SGCG: variants seen among roughly 807,000 people sequenced by gnomAD.
The protein encoded by SGCG is gamma-sarcoglycan.
Under a neutral mutation model 29.3 loss-of-function variants are expected in SGCG, and 26 were observed. That is an observed-to-expected ratio of 0.89 (90% CI 0.65 to 1.23). SGCG has a LOEUF of 1.23. Ranked by LOEUF, SGCG falls within the 50% of genes most tolerant of loss-of-function variation. SGCG has a pLI of 0.00. For synonymous variants in SGCG, 145 were observed against 129.7 expected (o/e 1.12, Z -0.80); for missense variants, 353 against 356.0 (o/e 0.99, Z 0.07).
chr13:23,194,398 G>A (rs1250218503), intron 1 of SGCG, among the ~76,000 whole-genome samples: 2 of 152,176 alleles, frequency 1.3e-5, no homozygotes, highest in Admixed American at 1.3e-4. Flanking sequence ...AAGTGAAGAT[G>A]AAACTTACTA....
intron 1 of SGCG, among the ~76,000 whole-genome samples, chr13:23,186,173 GACAT>G (rs1876962934): frequency 1.3e-5 from 2 of 152,302 alleles, no homozygotes; most frequent in Admixed American, 6.5e-5. Context: ...GGGTGACCCT[GACAT>G]TCAACTCTGA....
chr13:23,172,746 A>C, the SGCG span, among the ~76,000 whole-genome samples: 2 of 152,252 alleles, frequency 1.3e-5, no homozygotes, highest in African/African-American at 4.8e-5. Flanking sequence ...CTGCCATCAA[A>C]CTTAGTATCA....
the SGCG span, among the ~76,000 whole-genome samples, chr13:23,162,231 C>T: frequency 6.6e-6 from 1 of 152,274 alleles, no homozygotes; most frequent in East Asian, 1.9e-4. Flanking sequence ...CATATATACA[C>T]ACACTATTAC....
chr13:23,304,779 TTTTGTTTG>T (rs544180005), intron 6 of SGCG, among the ~76,000 whole-genome samples: 9 of 152,028 alleles, frequency 5.9e-5, no homozygotes, highest in Non-Finnish European at 1.2e-4. Flanking sequence ...AATTTTTGTA[TTTTGTTTG>T]TTTGTTTGTT....
chr13:23,180,330 T>A (rs1876687066), upstream of SGCG, among the ~76,000 whole-genome samples: 2 of 113,360 alleles, frequency 1.8e-5, no homozygotes. Context: ...TACATTCACA[T>A]AATTTGTTAA....
intron 3 of SGCG, among the ~76,000 whole-genome samples, chr13:23,247,663 C>T (rs533013028): frequency 5.9e-5 from 9 of 151,858 alleles, no homozygotes; most frequent in African/African-American, 1.9e-4. Context: ...ATTTAAAAAT[C>T]GGTCGGGCAT....
chr13:23,248,700 A>C (rs1361222358), intron 3 of SGCG, among the ~76,000 whole-genome samples: 3 of 131,442 alleles, frequency 2.3e-5, no homozygotes, highest in Non-Finnish European at 3.2e-5. Context: ...TCTCAAAAAG[A>C]AAAAAAAAAA....
intron 2 of SGCG, among the ~76,000 whole-genome samples, chr13:23,210,607 G>T (rs511064): frequency 6.6e-6 from 1 of 152,026 alleles, no homozygotes; most frequent in Non-Finnish European, 1.5e-5. Flanking sequence ...AAGAGAATGC[G>T]GTGAACCCGG....
intron 2 of SGCG, among the ~76,000 whole-genome samples, chr13:23,204,295 T>C (rs1877892832): frequency 6.6e-6 from 1 of 152,192 alleles, no homozygotes; most frequent in Non-Finnish European, 1.5e-5. Context: ...TTATTTACAG[T>C]GGTAATCAAG....
chr13:23,299,430 ATATATATATATATATATATATATATAT>A (rs1184149012), intron 6 of SGCG, among the ~76,000 whole-genome samples: 13 of 11,692 alleles, frequency 1.1e-3, no homozygotes, highest in African/African-American at 2.9e-3. Context: ...ATATATATAT[ATATATATATATATATATATATATATAT>A]TTTTTTTTTT....
chr13:23,309,248 C>T (rs543675967), intron 6 of SGCG, among the ~76,000 whole-genome samples: 1 of 149,442 alleles, frequency 6.7e-6, no homozygotes, highest in African/African-American at 2.5e-5. Flanking sequence ...ATACATATGC[C>T]GAGAGAGAGA....
intron 2 of SGCG, among the ~76,000 whole-genome samples, chr13:23,218,971 G>A (rs892804182): frequency 2.1e-4 from 31 of 147,566 alleles, no homozygotes; most frequent in Non-Finnish European, 3.4e-4. Context: ...TCCCACCATA[G>A]AATTCTCAAT....
chr13:23,224,844 T>C (rs960603298), intron 2 of SGCG, among the ~76,000 whole-genome samples: 1 of 151,974 alleles, frequency 6.6e-6, no homozygotes, highest in Non-Finnish European at 1.5e-5. Flanking sequence ...GATCATACAA[T>C]AGAGTAATTT....
At chr13:23,298,081 C>T (rs930891404) in intron 6 of SGCG, among the ~76,000 whole-genome samples, 4 of 150,168 alleles carry the variant, frequency 2.7e-5, no homozygotes, top group Non-Finnish European at 6.0e-5. Context: ...TACAGCCGGC[C>T]ATGGTGGCTC....
chr13:23,297,973 G>A (rs1283312189), intron 6 of SGCG, among the ~76,000 whole-genome samples: 1 of 151,884 alleles, frequency 6.6e-6, no homozygotes, highest in Non-Finnish European at 1.5e-5. Flanking sequence ...TTGAACTCCT[G>A]AGCTCAGGTG....
At chr13:23,310,172 C>T (rs1317410275) in intron 6 of SGCG, among the ~76,000 whole-genome samples, 7 of 149,852 alleles carry the variant, frequency 4.7e-5, no homozygotes, top group East Asian at 2.0e-4. Flanking sequence ...CTGCAAGCTC[C>T]GCCTCCTGGG....
chr13:23,202,727 A>G (rs1023564151), intron 1 of SGCG, among the ~76,000 whole-genome samples: 5 of 152,168 alleles, frequency 3.3e-5, no homozygotes, highest in Admixed American at 2.0e-4. Flanking sequence ...AGATTTAAAG[A>G]TTTGTTTTAG....
intron 3 of SGCG, among the ~76,000 whole-genome samples, chr13:23,237,637 A>T (rs56204438): frequency 0.02 from 3,002 of 152,358 alleles, 48 homozygotes; most frequent in Non-Finnish European, 0.031. Flanking sequence ...CCTGAATGTC[A>T]TGAGGACAGA....
intron 3 of SGCG, among the ~76,000 whole-genome samples, chr13:23,249,608 C>T (rs1315958487): frequency 6.6e-6 from 1 of 151,972 alleles, no homozygotes. Flanking sequence ...GAAGGAAAAA[C>T]GTACATGGTA....
Sources: gnomAD v4.1 joint callset for allele counts (sites outside exome capture counted in the v4.1 genomes callset) on GRCh38, gnomAD v4.1.1 for gene constraint, MANE v1.5 for transcripts, NCBI Gene and HGNC (gene_info 2026-07-23, HGNC 2026-07-21) for gene names.